Variants in FBXO36 observed in about 807,000 individuals in gnomAD.
FBXO36 encodes the protein F-box protein 36.
In FBXO36, 18 loss-of-function variants were observed where a neutral mutation model predicts 17.0. The ratio of observed to expected loss-of-function variants is 1.06; its 90% CI spans 0.73 to 1.57. FBXO36 has a LOEUF of 1.57. FBXO36 is among the 40% of genes most tolerant of loss of function. The pLI, the probability that FBXO36 is intolerant of heterozygous loss-of-function variation, is 0.00. For synonymous variants in FBXO36, 83 were observed against 85.3 expected, an observed-to-expected ratio of 0.97 and a Z score of 0.15; for missense variants, 229 against 221.9, an observed-to-expected ratio of 1.03 and a Z score of -0.20.
At position 229,933,708 on chromosome 2, in the gene FBXO36, T is replaced by C. The variant is rs1207431802; in HGVS notation, c.96+11099T>C. Among the ~76,000 whole-genome samples, 3 of 152,072 alleles carry C rather than the reference T, an allele frequency of 2.0e-5. 1 individual carries two copies. The highest frequency in any genetic ancestry group is 4.4e-5 in the Non-Finnish European group (3 of 68,002). On this transcript the variant is annotated intron_variant, in intron 1 of 3. Coordinates refer to ENST00000283946, the MANE Select transcript of FBXO36 (RefSeq NM_174899.5). ...CCTCTATGTTGTTATTTTTTTGAGA[T>C]GGAGTCTTGCTCTGTCGCCCAGGCT...
chr2:229,995,407 A>G (rs1423051416), intron 2 of FBXO36, among the ~76,000 whole-genome samples: 2 of 152,134 alleles, frequency 1.3e-5, no homozygotes, highest in Non-Finnish European at 2.9e-5. Context: ...GTGAACAGGT[A>G]CAGAAAATAT....
rs569943070 is a variant in FBXO36, at chr2:229,945,507, T to C, written c.96+22898T>C. Among the ~76,000 whole-genome samples, 347 of 152,042 alleles carry C rather than the reference T, an allele frequency of 2.3e-3. 2 individuals carry two copies. Among genetic ancestry groups the C allele is most frequent in the African/African-American group, 8.1e-3 (335 of 41,512 alleles). ...TTTTTGATAGAGACGCATTTCACCA[T>C]GTTGGCCAGGCTGGTCTCAAACTCC... On this transcript the variant is annotated intron_variant, in intron 1 of 3. Coordinates refer to ENST00000283946, the MANE Select transcript of FBXO36 (RefSeq NM_174899.5).
chr2:229,956,062 A>G (rs1184348607), intron 1 of FBXO36, among the ~76,000 whole-genome samples: 2 of 152,248 alleles, frequency 1.3e-5, no homozygotes, highest in African/African-American at 4.8e-5. Flanking sequence ...CACTCTGTAC[A>G]TGTCACATGT....
intron 1 of FBXO36, among the ~76,000 whole-genome samples, chr2:229,927,505 G>A (rs1487947503): frequency 6.6e-6 from 1 of 152,032 alleles, no homozygotes; most frequent in Admixed American, 6.6e-5. Context: ...AGTTAACTTA[G>A]GTTTAATGTG....
At chr2:229,948,518 GA>G (rs59155537) in intron 1 of FBXO36, among the ~76,000 whole-genome samples, 121,072 of 129,386 alleles carry the variant, frequency 0.94, 56,878 homozygotes, top group South Asian at 0.99. Context: ...GGGCTTTAGA[GA>G]AAAAAAAAAA....
intron 1 of FBXO36, among the ~76,000 whole-genome samples, chr2:229,948,668 T>C (rs2106169854): frequency 6.6e-6 from 1 of 152,248 alleles, no homozygotes; most frequent in Admixed American, 6.5e-5. Context: ...TTTTCATCTC[T>C]TCCTCCTTCC....
intron 1 of FBXO36, among the ~76,000 whole-genome samples, chr2:229,941,309 G>A (rs1401170862): frequency 6.6e-6 from 1 of 152,088 alleles, no homozygotes; most frequent in Admixed American, 6.6e-5. Flanking sequence ...CAAAAAATTA[G>A]CTGGGTGTGG....
chr2:229,976,216 C>A, intron 1 of FBXO36, 25 bp from the exon 2 acceptor site: 1 of 1,529,928 alleles, frequency 6.5e-7, no homozygotes, highest in South Asian at 1.2e-5. Context: ...AATTTTAATT[C>A]ATATCACTTT....
chr2:229,934,737 C>G lies in FBXO36; in HGVS notation c.96+12128C>G, dbSNP rs975940024. Among the ~76,000 whole-genome samples the G allele has an allele frequency of 5.3e-5, 8 of 152,306 alleles. No homozygotes were observed. The East Asian group carries it at 1.5e-3, about 29-fold the overall frequency. ...TGGCGTGATCTTGGCTCGCTGCAACCTCTGCCTCCTGAGTTCAAATGATTC... is the reference window on the plus strand; with the variant it reads ...TGGCGTGATCTTGGCTCGCTGCAACGTCTGCCTCCTGAGTTCAAATGATTC... On this transcript the variant is annotated intron_variant, in intron 1 of 3. Coordinates refer to ENST00000283946, the MANE Select transcript of FBXO36 (RefSeq NM_174899.5).
chr2:229,949,006 G>T (rs2077041349), intron 1 of FBXO36, among the ~76,000 whole-genome samples: 2 of 151,984 alleles, frequency 1.3e-5, no homozygotes, highest in South Asian at 4.2e-4. Context: ...GCTAATTTTT[G>T]TATTTTTTAG....
intron 1 of FBXO36, among the ~76,000 whole-genome samples, chr2:229,944,785 G>A (rs1043883557): frequency 6.6e-6 from 1 of 151,668 alleles, no homozygotes; most frequent in African/African-American, 2.4e-5. Context: ...AGTAGAGACG[G>A]GGTTTCACCA....
chr2:229,942,427 T>G (rs2077004245), intron 1 of FBXO36, among the ~76,000 whole-genome samples: 1 of 152,220 alleles, frequency 6.6e-6, no homozygotes, highest in Non-Finnish European at 1.5e-5. Context: ...AAATGCTGGT[T>G]AGGACCTTTG....
intron 3 of FBXO36, among the ~76,000 whole-genome samples, chr2:230,005,230 T>C (rs568607867): frequency 2.0e-4 from 31 of 152,208 alleles, no homozygotes; most frequent in Non-Finnish European, 3.5e-4. Flanking sequence ...GCCTCTCAAA[T>C]GTCTGGGACT....
At chr2:229,947,149 C>T (rs1486700443) in intron 1 of FBXO36, among the ~76,000 whole-genome samples, 1 of 152,094 alleles carries the variant, frequency 6.6e-6, no homozygotes, top group Non-Finnish European at 1.5e-5. Flanking sequence ...GCCTGGACAA[C>T]AAGAGCGAAA....
chr2:229,976,370 T>C, intron 2 of FBXO36, 21 bp downstream of exon 2: 2 of 1,500,390 alleles, frequency 1.3e-6, no homozygotes, highest in Non-Finnish European at 1.9e-6. Flanking sequence ...GAACATATTA[T>C]ATACCCCTGT....
chr2:229,946,973 C>T (rs1317597584), intron 1 of FBXO36, among the ~76,000 whole-genome samples: 2 of 152,114 alleles, frequency 1.3e-5, no homozygotes. Context: ...TCCAGACCAG[C>T]CTGGCCAACA....
At chr2:229,929,790 T>G (rs746766445) in intron 1 of FBXO36, among the ~76,000 whole-genome samples, 1 of 151,582 alleles carries the variant, frequency 6.6e-6, no homozygotes, top group Non-Finnish European at 1.5e-5. Context: ...ACCCAGGAGG[T>G]GGAGGTTGCA....
chr2:229,979,493 A>C (rs1029998928), intron 2 of FBXO36, among the ~76,000 whole-genome samples: 1 of 151,854 alleles, frequency 6.6e-6, no homozygotes, highest in Non-Finnish European at 1.5e-5. Context: ...AATAGTTAAA[A>C]GTTGGGCTGG....
intron 1 of FBXO36, among the ~76,000 whole-genome samples, chr2:229,969,564 TGTA>T (rs1343946994): frequency 6.6e-6 from 1 of 152,120 alleles, no homozygotes; most frequent in Non-Finnish European, 1.5e-5. Context: ...GGCACATGCC[TGTA>T]GTCCCAGCTA....
Sources: allele counts gnomAD v4.1 joint callset (sites outside exome capture counted in the v4.1 genomes callset), GRCh38; gene constraint gnomAD v4.1.1; transcripts MANE v1.5; gene names NCBI Gene and HGNC (gene_info 2026-07-23, HGNC 2026-07-21).